Variants in SMAD5 observed in about 807,000 individuals in gnomAD.
The protein encoded by SMAD5 is SMAD family member 5.
Under a neutral mutation model 43.1 loss-of-function variants are expected in SMAD5, and 9 were observed. That is an observed-to-expected ratio of 0.21 (90% confidence interval 0.13 to 0.36). The LOEUF is 0.36. Ranked by LOEUF, SMAD5 falls within the 10% of genes least tolerant of loss-of-function variation. The probability of loss-of-function intolerance (pLI) is 1.00; values close to 1 mark genes in which losing one functional copy is unlikely to be tolerated. For synonymous variants in SMAD5, 190 were observed against 192.4 expected (o/e 0.99, Z 0.10); for missense variants, 348 against 574.0 (o/e 0.61, Z 4.02).
chr5:136,149,288 T>C lies in SMAD5; in HGVS notation c.-170+1382T>C, dbSNP rs7700490. Among the ~76,000 whole-genome samples, 802 of 151,972 alleles carry C rather than the reference T, an allele frequency of 5.3e-3. 9 individuals carry two copies. The highest frequency in any genetic ancestry group is 0.018 in the African/African-American group (760 of 41,508). Reference sequence around the variant, plus strand: ...ATTATAAATAAAGTTGTTAGGAACATGTACTTGTTTTTTGGTGGACACAGC... The same window carrying C: ...ATTATAAATAAAGTTGTTAGGAACACGTACTTGTTTTTTGGTGGACACAGC... On this transcript the variant is annotated intron_variant, in intron 2 of 7. Coordinates refer to ENST00000545279, the MANE Select transcript of SMAD5 (RefSeq NM_005903.7).
rs1754489971 is a variant in SMAD5, at chr5:136,178,091, A to G, written c.*611A>G. 1.3e-5 allele frequency: 2 copies of G among 152,680 alleles called. No individual in the cohort carries two copies. The highest frequency in any genetic ancestry group is 4.8e-5 in the African/African-American group (2 of 41,460). The allele number at this position is 152,680 out of a possible 1,614,324, so 9.5% of individuals were successfully genotyped here. A position where few individuals can be genotyped will look rare whatever the true frequency, so the allele number is the denominator to read the frequency against. ...GACATAAAATTTACATTTAATACAG[A>G]TAAGTGTTCTTCAGTGTAATGTGAC... On this transcript the variant is annotated 3_prime_UTR_variant, in exon 8 of 8. Coordinates refer to ENST00000545279, the MANE Select transcript of SMAD5 (RefSeq NM_005903.7).
At chr5:136,160,784 C>T in intron 3 of SMAD5, 72 bp from the exon 4 acceptor site, 1 of 1,479,408 alleles carries the variant, frequency 6.8e-7, no homozygotes, top group Non-Finnish European at 9.3e-7. Context: ...ATCCTTTCTA[C>T]CAACCCCTTA....
intron 1 of SMAD5, chr5:136,134,795 C>T (rs1057309755): frequency 2.6e-5 from 4 of 152,120 alleles, no homozygotes; most frequent in African/African-American, 9.7e-5. Flanking sequence ...ATTGTTGCTC[C>T]CTCAGTCTTT....
chr5:136,164,849 G>A (rs949568580), intron 5 of SMAD5, among the ~76,000 whole-genome samples: 16 of 152,062 alleles, frequency 1.1e-4, no homozygotes, highest in African/African-American at 3.4e-4. Context: ...TATAGTTTTA[G>A]CTCTTATATT....
At chr5:136,151,589 A>G (rs1465451660) in intron 2 of SMAD5, among the ~76,000 whole-genome samples, 1 of 152,006 alleles carries the variant, frequency 6.6e-6, no homozygotes, top group Non-Finnish European at 1.5e-5. Context: ...CTGATCATGT[A>G]TGATATTGTA....
chr5:136,146,554 C>T (rs932808120), intron 1 of SMAD5, among the ~76,000 whole-genome samples: 21 of 151,608 alleles, frequency 1.4e-4, no homozygotes, highest in Admixed American at 1.2e-3. Flanking sequence ...CAAATCAGAA[C>T]GTATTTTATT....
intron 3 of SMAD5, among the ~76,000 whole-genome samples, chr5:136,158,027 G>A (rs189576002): frequency 6.6e-6 from 1 of 152,274 alleles, no homozygotes; most frequent in African/African-American, 2.4e-5. Flanking sequence ...ATGAGTTGGT[G>A]CCTTAAAAAG....
At chr5:136,163,850 CAGT>C (rs796257057) in intron 5 of SMAD5, among the ~76,000 whole-genome samples, 48 of 152,240 alleles carry the variant, frequency 3.2e-4, no homozygotes, top group African/African-American at 1.1e-3. Flanking sequence ...ATTCACCAGT[CAGT>C]GGGCATTTGA....
intron 1 of SMAD5, among the ~76,000 whole-genome samples, chr5:136,136,384 G>A (rs145967528): frequency 7.2e-5 from 11 of 152,222 alleles, no homozygotes; most frequent in Admixed American, 1.3e-4. Flanking sequence ...CACCATGTTC[G>A]CCAGGCTGGT....
rs1753536994 is a variant in SMAD5, at chr5:136,153,578, C to T, written c.-169-14C>T. 1.9e-6 allele frequency: 1 copy of T among 531,256 alleles called. No individual in the cohort carries two copies. Among genetic ancestry groups the T allele is most frequent in the South Asian group, 3.1e-5 (1 of 32,136 alleles). The allele number at this position is 531,256 out of a possible 1,614,324, so 32.9% of individuals were successfully genotyped here. ...TTGATTTAAACTAGGATCCTTTCCC[C>T]CTTTCTCTTTCAGGACTTGACCCAA... On this transcript the variant is annotated splice_polypyrimidine_tract_variant and intron_variant, in intron 2 of 7. Transcript: ENST00000545279.
At chr5:136,148,513 C>T (rs1753340954) in intron 2 of SMAD5, among the ~76,000 whole-genome samples, 1 of 151,772 alleles carries the variant, frequency 6.6e-6, no homozygotes, top group Non-Finnish European at 1.5e-5. Context: ...GTTATTCCTT[C>T]TATACAACAT....
At chr5:136,161,161 T>A (rs1412809184) in intron 4 of SMAD5, 54 bp downstream of exon 4, 1 of 1,547,772 alleles carries the variant, frequency 6.5e-7, no homozygotes, top group Admixed American at 1.8e-5. Context: ...AGAATCACAG[T>A]TGTTCTTACT....
Position 136,182,076 on chromosome 5 carries a change from T to C in SMAD5, c.*4596T>C, listed in dbSNP as rs1422255843. The C allele has an allele frequency of 6.6e-6, 1 of 152,188 alleles. No individual in the cohort carries two copies. The highest frequency in any genetic ancestry group is 2.4e-5 in the African/African-American group (1 of 41,452). 9.4% of individuals were successfully genotyped at this position (152,188 alleles called of 1,614,324 possible). ...TTCTTAAAATGATCGTAAACCATTA[T>C]CCTTTAAAGGTTTATTTGAAGATGC... On this transcript the variant is annotated 3_prime_UTR_variant, in exon 8 of 8. Coordinates refer to ENST00000545279, the MANE Select transcript of SMAD5 (RefSeq NM_005903.7).
intron 4 of SMAD5, among the ~76,000 whole-genome samples, chr5:136,161,346 ACACT>A (rs1753820473): frequency 6.6e-6 from 1 of 152,212 alleles, no homozygotes; most frequent in African/African-American, 2.4e-5. Context: ...CTATTTTATG[ACACT>A]CAGTACCATT....
At chr5:136,141,760 G>GT (rs1474181694) in intron 1 of SMAD5, among the ~76,000 whole-genome samples, 1 of 152,124 alleles carries the variant, frequency 6.6e-6, no homozygotes, top group Non-Finnish European at 1.5e-5. Flanking sequence ...TTAACCTAGA[G>GT]TACTATAGTT....
In SMAD5 at chr5:136,164,096, G is replaced by A. The variant is rs553931992; in HGVS notation, c.775+705G>A. 1.1e-4 allele frequency among the ~76,000 whole-genome samples: 16 copies of A among 152,316 alleles called. 1 individual carries two copies. The South Asian group carries it at 3.1e-3, about 30-fold the overall frequency. On this transcript the variant is annotated intron_variant, in intron 5 of 7. Transcript: ENST00000545279. ...TAATCCCAGCTACTCTGGAGGCTGA[G>A]ACAGGAGAATCACTTGAACCCAGGA...
intron 3 of SMAD5, among the ~76,000 whole-genome samples, chr5:136,159,482 T>A (rs929744912): frequency 3.3e-5 from 5 of 152,148 alleles, no homozygotes; most frequent in African/African-American, 9.7e-5. Flanking sequence ...AATAATTTTT[T>A]AAAAATCGTG....
rs1173314702 is a variant in SMAD5 at position 136,177,644 on chromosome 5, T to A, written c.*164T>A. ...TTGTATTTTGTGATGAATCTACATTTGTTTGTATTCATGTTCATGTGATTA... is the reference window on the plus strand; with the variant it reads ...TTGTATTTTGTGATGAATCTACATTAGTTTGTATTCATGTTCATGTGATTA... On this transcript the variant is annotated 3_prime_UTR_variant, in exon 8 of 8. Coordinates refer to ENST00000545279, the MANE Select transcript of SMAD5 (RefSeq NM_005903.7). 1.7e-6 allele frequency: 1 copy of A among 581,940 alleles called. No individual in the cohort carries two copies. The highest frequency in any genetic ancestry group is 3.0e-6 in the Non-Finnish European group (1 of 337,258). 36.0% of individuals were successfully genotyped at this position (581,940 alleles called of 1,614,324 possible).
chr5:136,151,710 C>T (rs939509844), intron 2 of SMAD5, among the ~76,000 whole-genome samples: 7 of 151,982 alleles, frequency 4.6e-5, no homozygotes, highest in Non-Finnish European at 8.8e-5. Context: ...CCCTATCTAG[C>T]CCCCCATTAT....
Sources: gnomAD v4.1 joint callset for allele counts (sites outside exome capture counted in the v4.1 genomes callset) on GRCh38, gnomAD v4.1.1 for gene constraint, MANE v1.5 for transcripts, NCBI Gene and HGNC (gene_info 2026-07-23, HGNC 2026-07-21) for gene names.